TENM4: variants seen among roughly 807,000 people sequenced by gnomAD.
The protein encoded by TENM4 is teneurin-4.
Under a neutral mutation model 243.3 loss-of-function variants are expected in TENM4, and 82 were observed. The observed-to-expected ratio is 0.34, with a 90% CI of 0.28 to 0.40. TENM4 has a LOEUF of 0.40. Ranked by LOEUF, TENM4 falls within the 10% of genes least tolerant of loss-of-function variation. The pLI is 1.00. For synonymous variants in TENM4, 1,412 were observed against 1,456.3 expected, an observed-to-expected ratio of 0.97 and a Z score of 0.69; for missense variants, 3,138 against 3,673.3, an observed-to-expected ratio of 0.85 and a Z score of 3.77.
intron 4 of TENM4, among the ~76,000 whole-genome samples, chr11:79,080,172 T>C (rs1029371335): frequency 6.6e-6 from 1 of 152,242 alleles, no homozygotes; most frequent in Non-Finnish European, 1.5e-5. Flanking sequence ...TTTCAAGCCC[T>C]CACCTTTCTG....
intron 6 of TENM4, among the ~76,000 whole-genome samples, chr11:78,978,631 G>A (rs1042162049): frequency 7.2e-5 from 11 of 152,190 alleles, no homozygotes; most frequent in Admixed American, 6.5e-4. Flanking sequence ...ACACCAGGAC[G>A]GAACGAGAAA....
chr11:79,134,691 C>T (rs909985120), intron 4 of TENM4, among the ~76,000 whole-genome samples: 1 of 152,004 alleles, frequency 6.6e-6, no homozygotes. Flanking sequence ...GAAATAAACC[C>T]AAATACTTAC....
chr11:78,810,399 C>T (rs1857473254), intron 14 of TENM4, among the ~76,000 whole-genome samples: 3 of 152,336 alleles, frequency 2.0e-5, no homozygotes, highest in Non-Finnish European at 4.4e-5. Flanking sequence ...GGAAGGACGA[C>T]TGCCTTTTCC....
rs981952564 is a variant in TENM4, at chr11:78,835,438, A to G, written c.1681+18666T>C. Among the ~76,000 whole-genome samples, 5 of 152,158 alleles carry G rather than the reference A, an allele frequency of 3.3e-5. No individual in the cohort carries two copies. The East Asian group carries it at 9.6e-4, about 29-fold the overall frequency. On this transcript the variant is annotated intron_variant, in intron 12 of 33. Coordinates refer to ENST00000278550, the MANE Select transcript of TENM4 (RefSeq NM_001098816.3). ...GGAGAATCACTTGAACTGGGGAGGCAGAGGTTGCAGTGAGCTGGGATTGTG... is the reference window on the plus strand; with the variant it reads ...GGAGAATCACTTGAACTGGGGAGGCGGAGGTTGCAGTGAGCTGGGATTGTG...
At chr11:79,185,727 T>C (rs1863369712) in intron 3 of TENM4, among the ~76,000 whole-genome samples, 1 of 152,210 alleles carries the variant, frequency 6.6e-6, no homozygotes, top group African/African-American at 2.4e-5. Flanking sequence ...TTCATTCTGA[T>C]GAAATCATAA....
At chr11:78,930,741 G>C (rs1387328677) in intron 6 of TENM4, among the ~76,000 whole-genome samples, 1 of 152,178 alleles carries the variant, frequency 6.6e-6, no homozygotes, top group Non-Finnish European at 1.5e-5. Flanking sequence ...AAAAAATTTT[G>C]ATTGTAACCT....
chr11:79,330,692 G>A (rs866236027), intron 1 of TENM4, among the ~76,000 whole-genome samples: 4 of 152,154 alleles, frequency 2.6e-5, no homozygotes, highest in African/African-American at 4.8e-5. Context: ...ATCAGGATCC[G>A]CAAATTAACC....
chr11:79,237,538 G>A (rs1426771213), intron 2 of TENM4, among the ~76,000 whole-genome samples: 1 of 152,150 alleles, frequency 6.6e-6, no homozygotes, highest in Non-Finnish European at 1.5e-5. Flanking sequence ...TTAGCTGGGT[G>A]TGGTGGCAGG....
chr11:78,877,954 T>C (rs190320272), intron 9 of TENM4, among the ~76,000 whole-genome samples: 271 of 152,328 alleles, frequency 1.8e-3, no homozygotes, highest in Middle Eastern at 3.4e-3. Flanking sequence ...CACTTCTTGC[T>C]TGAGTCATAA....
intron 1 of TENM4, among the ~76,000 whole-genome samples, chr11:79,352,354 G>C (rs1473145014): frequency 6.6e-6 from 1 of 152,210 alleles, no homozygotes; most frequent in Non-Finnish European, 1.5e-5. Context: ...GCAAGGGTAA[G>C]ACCACAACCG....
At chr11:79,096,553 C>T (rs1861081987) in intron 4 of TENM4, 1 of 147,578 alleles carries the variant, frequency 6.8e-6, no homozygotes, top group Non-Finnish European at 1.5e-5. Context: ...TTCTCCCCTT[C>T]CCCTGGTGTG....
chr11:79,292,875 C>A (rs192489136), intron 2 of TENM4, among the ~76,000 whole-genome samples: 40 of 152,308 alleles, frequency 2.6e-4, no homozygotes, highest in Non-Finnish European at 4.9e-4. Context: ...GCACTTAGCA[C>A]TATGCTTAGC....
At chr11:78,942,594 C>T (rs1161111931) in intron 6 of TENM4, among the ~76,000 whole-genome samples, 4 of 152,068 alleles carry the variant, frequency 2.6e-5, no homozygotes, top group Non-Finnish European at 2.9e-5. Context: ...AAAGGCTGAC[C>T]GACCTCCCAC....
At chr11:79,244,565 T>TA (rs34208594) in intron 2 of TENM4, among the ~76,000 whole-genome samples, 2 of 152,024 alleles carry the variant, frequency 1.3e-5, no homozygotes, top group Admixed American at 1.3e-4. Context: ...GACTCACCCA[T>TA]AAAAAAGCCG....
At chr11:79,396,887 C>T (rs1478595441) in intron 1 of TENM4, among the ~76,000 whole-genome samples, 1 of 152,180 alleles carries the variant, frequency 6.6e-6, no homozygotes, top group Non-Finnish European at 1.5e-5. Flanking sequence ...AATGAAAATA[C>T]TGTCTGAGTC....
intron 18 of TENM4, among the ~76,000 whole-genome samples, chr11:78,767,226 G>T (rs1388996627): frequency 6.6e-6 from 1 of 152,198 alleles, no homozygotes; most frequent in African/African-American, 2.4e-5. Flanking sequence ...CCGGCCAGCT[G>T]TGTGACTTCT....
At chr11:79,215,636 C>T (rs945352546) in intron 3 of TENM4, among the ~76,000 whole-genome samples, 172 bp downstream of exon 3, 12 of 152,188 alleles carry the variant, frequency 7.9e-5, no homozygotes, top group South Asian at 4.1e-4. Flanking sequence ...CATCTGTTCC[C>T]GGAGAAGGCT....
At chr11:78,983,640 T>C (rs1338871408) in intron 6 of TENM4, among the ~76,000 whole-genome samples, 1 of 152,214 alleles carries the variant, frequency 6.6e-6, no homozygotes, top group Non-Finnish European at 1.5e-5. Context: ...TTGCCTGGCA[T>C]GTGCCAAGCC....
chr11:79,312,435 C>T (rs12282670), intron 1 of TENM4, among the ~76,000 whole-genome samples: 27,046 of 152,148 alleles, frequency 0.18, 2,472 homozygotes, highest in Non-Finnish European at 0.2. Context: ...TACTTAATAC[C>T]ATACATATAT....
Sources: allele counts gnomAD v4.1 joint callset (sites outside exome capture counted in the v4.1 genomes callset), GRCh38; gene constraint gnomAD v4.1.1; transcripts MANE v1.5; gene names NCBI Gene and HGNC (gene_info 2026-07-23, HGNC 2026-07-21).